Variants in CNTN4 observed in about 807,000 individuals in gnomAD.
CNTN4 encodes the protein contactin-4.
Under a neutral mutation model 122.5 loss-of-function variants are expected in CNTN4, and 77 were observed. The observed-to-expected ratio is 0.63, with a 90% CI of 0.52 to 0.76. The LOEUF (loss-of-function observed/expected upper bound fraction) is 0.76. CNTN4 is among the 30% of genes least tolerant of loss of function. The probability of loss-of-function intolerance (pLI) is 0.00; values close to 1 mark genes in which losing one functional copy is unlikely to be tolerated. For missense variants in CNTN4, 1,256 were observed against 1,259.1 expected, an observed-to-expected ratio of 1.00 and a Z score of 0.04; for synonymous variants, 512 against 447.0, an observed-to-expected ratio of 1.15 and a Z score of -1.83.
intron 2 of CNTN4, among the ~76,000 whole-genome samples, chr3:2,127,433 T>C (rs1311598684): frequency 6.6e-6 from 1 of 152,176 alleles, no homozygotes; most frequent in African/African-American, 2.4e-5. Context: ...GCTCCTGATA[T>C]AATGGAAAAT....
intron 4 of CNTN4, among the ~76,000 whole-genome samples, chr3:2,669,128 C>T (rs1362864902): frequency 1.3e-5 from 2 of 152,190 alleles, no homozygotes; most frequent in African/African-American, 4.8e-5. Context: ...GGAGGATTCC[C>T]TCTTTTTCTA....
At chr3:2,387,583 A>C (rs926384313) in intron 3 of CNTN4, among the ~76,000 whole-genome samples, 3 of 152,164 alleles carry the variant, frequency 2.0e-5, no homozygotes, top group Non-Finnish European at 2.9e-5. Context: ...ATATTTAATA[A>C]TAGAGACATT....
chr3:2,344,364 C>T (rs2044323466), intron 3 of CNTN4, among the ~76,000 whole-genome samples: 1 of 150,948 alleles, frequency 6.6e-6, no homozygotes, highest in Non-Finnish European at 1.5e-5. Flanking sequence ...CAACCTCTAC[C>T]TCCTTCCTGG....
At chr3:2,420,466 C>T (rs996333269) in intron 3 of CNTN4, among the ~76,000 whole-genome samples, 5 of 151,600 alleles carry the variant, frequency 3.3e-5, no homozygotes, top group Middle Eastern at 3.2e-3. Context: ...GACAGAGTCT[C>T]ACTCTGTCCC....
chr3:2,640,314 G>A (rs747425794), intron 4 of CNTN4, among the ~76,000 whole-genome samples: 28 of 152,152 alleles, frequency 1.8e-4, no homozygotes, highest in Non-Finnish European at 3.5e-4. Flanking sequence ...TAACACTGTA[G>A]CACTTTTTAT....
chr3:2,381,151 G>A (rs981947974), intron 3 of CNTN4, among the ~76,000 whole-genome samples: 1 of 151,310 alleles, frequency 6.6e-6, no homozygotes, highest in Non-Finnish European at 1.5e-5. Context: ...GACTACAGGC[G>A]CCCGCCACCA....
chr3:2,287,785 A>AAGAAGAAGAAGAAGG (rs2041996497), intron 2 of CNTN4, among the ~76,000 whole-genome samples: 1 of 150,524 alleles, frequency 6.6e-6, no homozygotes, highest in Non-Finnish European at 1.5e-5. Context: ...GAAGGAGAAG[A>AAGAAGAAGAAGAAGG]AGAGGAGGAA....
intron 2 of CNTN4, among the ~76,000 whole-genome samples, chr3:2,189,730 A>G (rs1169802021): frequency 7.8e-6 from 1 of 128,802 alleles, no homozygotes; most frequent in Non-Finnish European, 1.7e-5. Context: ...CTCTGTGTCC[A>G]TTCCTATGTT....
intron 2 of CNTN4, among the ~76,000 whole-genome samples, chr3:2,249,560 G>C (rs969517325): frequency 3.3e-5 from 5 of 152,010 alleles, no homozygotes; most frequent in African/African-American, 4.8e-5. Flanking sequence ...GTAGAGTCAA[G>C]TTTAGTCATT....
chr3:2,407,133 C>G (rs116745830), intron 3 of CNTN4, among the ~76,000 whole-genome samples: 415 of 152,110 alleles, frequency 2.7e-3, no homozygotes, highest in Admixed American at 4.2e-3. Context: ...CAACAGCGGA[C>G]AAGGGAAAAT....
At chr3:2,999,516 G>T (rs959207593) in intron 14 of CNTN4, among the ~76,000 whole-genome samples, 6 of 152,106 alleles carry the variant, frequency 3.9e-5, no homozygotes, top group African/African-American at 1.4e-4. Context: ...CAAGATCAAG[G>T]TGCTGGCAGG....
chr3:2,936,550 TG>T (rs2094568859), intron 13 of CNTN4, among the ~76,000 whole-genome samples: 1 of 152,158 alleles, frequency 6.6e-6, no homozygotes, highest in Non-Finnish European at 1.5e-5. Context: ...GGCTCCTGCC[TG>T]CTGTCTACCA....
chr3:2,555,796 T>G (rs2078696625), intron 3 of CNTN4, among the ~76,000 whole-genome samples: 1 of 152,112 alleles, frequency 6.6e-6, no homozygotes, highest in African/African-American at 2.4e-5. Flanking sequence ...GTAAGGTAGG[T>G]GGAAAGTTGG....
chr3:2,371,215 T>C (rs1274018825), intron 3 of CNTN4, among the ~76,000 whole-genome samples: 1 of 152,204 alleles, frequency 6.6e-6, no homozygotes. Context: ...CCCCTGAGGT[T>C]AGGTTCCCAC....
At chr3:3,042,674 G>T (rs1273916554) in intron 21 of CNTN4, among the ~76,000 whole-genome samples, 1 of 152,174 alleles carries the variant, frequency 6.6e-6, no homozygotes, top group Non-Finnish European at 1.5e-5. Context: ...TTGGCAAAAT[G>T]AGCTTTGACT....
chr3:3,049,058 G>A (rs988471458), intron 23 of CNTN4, among the ~76,000 whole-genome samples: 1 of 152,150 alleles, frequency 6.6e-6, no homozygotes, highest in Non-Finnish European at 1.5e-5. Flanking sequence ...ACTAAGCACT[G>A]TTCCAATTCA....
intron 2 of CNTN4, among the ~76,000 whole-genome samples, chr3:2,118,625 A>G (rs1231944944): frequency 6.6e-6 from 1 of 152,230 alleles, no homozygotes; most frequent in Admixed American, 6.5e-5. Flanking sequence ...CACTGTTTAC[A>G]TATATTTTTC....
At chr3:2,300,068 T>C (rs1167780759) in intron 2 of CNTN4, among the ~76,000 whole-genome samples, 1 of 152,268 alleles carries the variant, frequency 6.6e-6, no homozygotes, top group Non-Finnish European at 1.5e-5. Context: ...GATAATGAAG[T>C]GATTTGAAAA....
In CNTN4 at chr3:2,444,050, T is replaced by C. The variant is rs112023874; in HGVS notation, c.-89+104817T>C. 6.0e-4 allele frequency among the ~76,000 whole-genome samples: 92 copies of C among 152,240 alleles called. 1 individual carries two copies. The Middle Eastern group carries it at 0.01, about 17-fold the overall frequency. On this transcript the variant is annotated intron_variant, in intron 3 of 24. Coordinates refer to ENST00000418658, the MANE Select transcript of CNTN4 (RefSeq NM_175607.3). ...TAATTTACACTCCTCTGGGAGCATT[T>C]ATCTTTCCTTCATGGCAATGTAATT...
Sources: gnomAD v4.1 joint callset for allele counts (sites outside exome capture counted in the v4.1 genomes callset) on GRCh38, gnomAD v4.1.1 for gene constraint, MANE v1.5 for transcripts, NCBI Gene and HGNC (gene_info 2026-07-23, HGNC 2026-07-21) for gene names.